NTNG1: variants seen among roughly 807,000 people sequenced by gnomAD.
NTNG1 encodes netrin-G1.
NTNG1 carries 16 observed loss-of-function variants against 54.0 expected under a neutral mutation model. The ratio of observed to expected loss-of-function variants is 0.30; its 90% CI spans 0.20 to 0.45. The LOEUF (loss-of-function observed/expected upper bound fraction) is 0.45, where lower values mean the gene tolerates loss of function less well. Among genes scored for constraint, NTNG1 ranks in the 20% least tolerant of loss-of-function variants. NTNG1 has a pLI of 1.00. For missense variants in NTNG1, 530 were observed against 678.7 expected (o/e 0.78, Z 2.43); for synonymous variants, 255 against 263.1 (o/e 0.97, Z 0.30).
chr1:107,234,288 A>T (rs1461462806), intron 2 of NTNG1, among the ~76,000 whole-genome samples: 1 of 151,966 alleles, frequency 6.6e-6, no homozygotes, highest in East Asian at 1.9e-4. Context: ...AGGCCCGGCT[A>T]ATTTTTATAT....
At chr1:107,353,362 A>T (rs1197839326) in intron 3 of NTNG1, among the ~76,000 whole-genome samples, 1 of 152,122 alleles carries the variant, frequency 6.6e-6, no homozygotes, top group African/African-American at 2.4e-5. Context: ...CTTCATTCTC[A>T]AGTTCAAAGT....
intron 2 of NTNG1, among the ~76,000 whole-genome samples, chr1:107,160,932 T>G (rs1359220654): frequency 6.6e-6 from 1 of 152,178 alleles, no homozygotes; most frequent in Non-Finnish European, 1.5e-5. Context: ...ATGGGGATTA[T>G]AGTAAAAATA....
chr1:107,206,700 A>G (rs1659222114), intron 2 of NTNG1, among the ~76,000 whole-genome samples: 1 of 152,208 alleles, frequency 6.6e-6, no homozygotes, highest in Non-Finnish European at 1.5e-5. Context: ...TTTAGATTTT[A>G]CAAATTTAAA....
rs541858196 is a variant in NTNG1, at chr1:107,476,406, A to G, written c.1391-4205A>G. ...CAAATTTGTGTCTCCAGGATGACCT[A>G]TCTCCTGTTCCATTAAATAGTTTTC... On this transcript the variant is annotated intron_variant, in intron 7 of 7. Coordinates refer to ENST00000370068, the MANE Select transcript of NTNG1 (RefSeq NM_001113226.3). Among the ~76,000 whole-genome samples the G allele has an allele frequency of 2.9e-4, 44 of 152,312 alleles. No homozygotes were observed. The South Asian group carries it at 8.3e-3, about 29-fold the overall frequency.
intron 2 of NTNG1, among the ~76,000 whole-genome samples, chr1:107,258,782 G>A (rs1663105293): frequency 6.6e-6 from 1 of 152,322 alleles, no homozygotes; most frequent in South Asian, 2.1e-4. Context: ...CACGCAGTCA[G>A]CCCACTTTGG....
intron 3 of NTNG1, among the ~76,000 whole-genome samples, chr1:107,394,091 A>G (rs1023894885): frequency 1.9e-4 from 29 of 151,902 alleles, no homozygotes; most frequent in Admixed American, 3.9e-4. Flanking sequence ...ATTCAGACCT[A>G]TCTTGGTTCT....
At chr1:107,371,837 A>T (rs1215579709) in intron 3 of NTNG1, among the ~76,000 whole-genome samples, 1 of 152,062 alleles carries the variant, frequency 6.6e-6, no homozygotes, top group Non-Finnish European at 1.5e-5. Context: ...AAAGCTTAGG[A>T]CCAGAAGAGT....
At chr1:107,265,557 C>G (rs3125681) in intron 2 of NTNG1, among the ~76,000 whole-genome samples, 147,380 of 152,290 alleles carry the variant, frequency 0.97, 71,476 homozygotes, top group Non-Finnish European at 1. Flanking sequence ...ATGTCATATG[C>G]AGATTCTAAA....
chr1:107,376,708 A>G (rs1319163656), intron 3 of NTNG1, among the ~76,000 whole-genome samples: 1 of 152,084 alleles, frequency 6.6e-6, no homozygotes, highest in Non-Finnish European at 1.5e-5. Context: ...TTTGTATGAC[A>G]TGGAAATTTT....
At chr1:107,403,103 G>A (rs1275791919) in intron 4 of NTNG1, among the ~76,000 whole-genome samples, 3 of 152,040 alleles carry the variant, frequency 2.0e-5, no homozygotes, top group African/African-American at 4.8e-5. Context: ...CTTGGTTGGG[G>A]GAGTAGTAAA....
At chr1:107,235,037 A>G (rs1253437961) in intron 2 of NTNG1, among the ~76,000 whole-genome samples, 1 of 151,886 alleles carries the variant, frequency 6.6e-6, no homozygotes, top group Non-Finnish European at 1.5e-5. Context: ...CTTATTTAAT[A>G]CAGGCTTCCT....
At chr1:107,438,326 G>A (rs1235337388) in intron 7 of NTNG1, among the ~76,000 whole-genome samples, 1 of 152,142 alleles carries the variant, frequency 6.6e-6, no homozygotes, top group African/African-American at 2.4e-5. Context: ...ATAGTCAGAA[G>A]TCAGGCCTCA....
intron 2 of NTNG1, among the ~76,000 whole-genome samples, chr1:107,166,938 T>C (rs972148983): frequency 2.0e-5 from 3 of 152,076 alleles, no homozygotes; most frequent in Admixed American, 6.6e-5. Flanking sequence ...TATTTAGAGA[T>C]GGGTACAGTC....
At chr1:107,417,053 C>T (rs1674259784) in intron 5 of NTNG1, among the ~76,000 whole-genome samples, 1 of 152,066 alleles carries the variant, frequency 6.6e-6, no homozygotes, top group African/African-American at 2.4e-5. Flanking sequence ...ATCAAGTAGG[C>T]TTGTCCTATT....
At position 107,430,854 on chromosome 1, in the gene NTNG1, T is replaced by C. The variant is rs907673817; in HGVS notation, c.1192T>C (p.Leu398=). 1 of 1,613,274 alleles carries C rather than the reference T, an allele frequency of 6.2e-7. No homozygotes were observed. Among genetic ancestry groups the C allele is most frequent in the Non-Finnish European group, 8.5e-7 (1 of 1,179,606 alleles). ...CAACACTAGAGGGCAGCACTGTGAG[T>C]TATGCAGGCTGGGCTACTTCAGAAA... ...KHNTRGQHCE[L]CRLGYFRNAS... Residue 398 remains leucine (L), a synonymous_variant, in exon 6 of 8, where the codon TTA becomes CTA. Transcript: ENST00000370068.
chr1:107,273,164 G>A (rs1664250906), intron 2 of NTNG1, among the ~76,000 whole-genome samples: 1 of 152,088 alleles, frequency 6.6e-6, no homozygotes. Context: ...TTACTCAGAA[G>A]CTTACAGACA....
chr1:107,155,840 G>A (rs529054901), intron 2 of NTNG1, among the ~76,000 whole-genome samples: 2 of 152,230 alleles, frequency 1.3e-5, no homozygotes, highest in Non-Finnish European at 2.9e-5. Context: ...TACTACAGAG[G>A]TCTCATGAGA....
intron 5 of NTNG1, chr1:107,408,804 T>C (rs1364061157): frequency 6.6e-6 from 1 of 151,956 alleles, no homozygotes; most frequent in Admixed American, 6.6e-5. Context: ...CCAGGCAGGG[T>C]GATCGCAGTG....
At chr1:107,317,994 T>C (rs1667434423) in intron 2 of NTNG1, among the ~76,000 whole-genome samples, 2 of 152,238 alleles carry the variant, frequency 1.3e-5, no homozygotes, top group Non-Finnish European at 2.9e-5. Context: ...GACAGATGCA[T>C]AGGTGCTTTT....
Sources: gnomAD v4.1 joint callset for allele counts (sites outside exome capture counted in the v4.1 genomes callset) on GRCh38, gnomAD v4.1.1 for gene constraint, MANE v1.5 for transcripts, NCBI Gene and HGNC (gene_info 2026-07-23, HGNC 2026-07-21) for gene names.